Variants in DMTN observed in about 807,000 individuals in gnomAD.
DMTN encodes the protein dematin.
Under a neutral mutation model 59.4 loss-of-function variants are expected in DMTN, and 27 were observed. That is an observed-to-expected ratio of 0.45 (90% CI 0.33 to 0.63). The LOEUF is 0.63. DMTN is among the 20% of genes least tolerant of loss of function. The probability of loss-of-function intolerance (pLI) is 0.02; values close to 1 mark genes in which losing one functional copy is unlikely to be tolerated. For synonymous variants in DMTN, 221 were observed against 203.7 expected (o/e 1.08, Z -0.72); for missense variants, 451 against 528.9 (o/e 0.85, Z 1.45).
At position 22,067,128 on chromosome 8, in the gene DMTN, C is replaced by T; in HGVS notation, c.62C>T (p.Ser21Phe). ...SPGSVSPSRD[S>F]SVPGSPSSIV... ...GGGAGCGTGAGCCCCTCCCGAGATT[C>T]CAGTGTGCCTGGCTCTCCCTCCAGC... The change falls in exon 3 of 16, where the codon TCC (serine) becomes TTC (phenylalanine). Residue 21 changes from serine (S) to phenylalanine (F), a missense_variant. Ser to Phe is a radical substitution (Grantham distance 155). Coordinates refer to ENST00000358242, the MANE Select transcript of DMTN (RefSeq NM_001387751.1). The T allele has an allele frequency of 6.3e-7, 1 of 1,595,228 alleles. No individual in the cohort carries two copies. The highest frequency in any genetic ancestry group is 8.5e-7 in the Non-Finnish European group (1 of 1,169,746).
intron 9 of DMTN, among the ~76,000 whole-genome samples, chr8:22,072,895 A>G (rs1310689150): frequency 6.6e-6 from 1 of 151,960 alleles, no homozygotes; most frequent in Non-Finnish European, 1.5e-5. Context: ...AGACCCCAGG[A>G]TTTTGCTTTT....
intron 6 of DMTN, 87 bp downstream of exon 6, chr8:22,069,605 T>TG: frequency 8.4e-7 from 1 of 1,189,142 alleles, no homozygotes. Context: ...CCCCACTCTC[T>TG]GGGGTATATG....
chr8:22,054,250 C>G (rs1263306150), upstream of DMTN, among the ~76,000 whole-genome samples: 1 of 152,180 alleles, frequency 6.6e-6, no homozygotes, highest in Non-Finnish European at 1.5e-5. Context: ...GCTGAGCACT[C>G]TTCCTGCCCA....
intron 1 of DMTN, among the ~76,000 whole-genome samples, chr8:22,061,376 G>A (rs1806319767): frequency 6.6e-6 from 1 of 152,264 alleles, no homozygotes; most frequent in Middle Eastern, 3.4e-3. Flanking sequence ...ATAAATGGCA[G>A]CTGTTCATAT....
rs748499265 is a variant in DMTN at position 22,069,889 on chromosome 8, C to T, written c.403C>T (p.Arg135Cys). 100 of 1,614,008 alleles carry T rather than the reference C, an allele frequency of 6.2e-5. No individual in the cohort carries two copies. The highest frequency in any genetic ancestry group is 4.2e-4 in the Admixed American group (25 of 59,988). The change falls in exon 7 of 16, where the codon CGC becomes TGC. Residue 135 changes from arginine to cysteine, a missense_variant. Transcript: ENST00000358242. ...LPHFHHPETS[R>C]PDSNIYKKPP... is the part of the protein sequence containing the mutation. ...TGTTCTTCCTCCCACAGAGACCTCC[C>T]GCCCAGATTCCAACATCTACAAGAA...
At chr8:22,070,042 A>C (rs1285020710) in intron 7 of DMTN, 105 bp downstream of exon 7, 9 of 1,562,508 alleles carry the variant, frequency 5.8e-6, no homozygotes, top group Middle Eastern at 1.7e-4. Flanking sequence ...ATAGCATGTC[A>C]CAGCAGCACG....
At chr8:22,055,118 C>G (rs1585585241), upstream of DMTN, 2 of 152,804 alleles carry the variant, frequency 1.3e-5, no homozygotes, top group East Asian at 3.9e-4. Context: ...CTCCCAGGCC[C>G]AGCGATTCTA....
Position 22,070,271 on chromosome 8 carries a change from C to G in DMTN, c.541C>G (p.Pro181Ala). The G allele has an allele frequency of 6.2e-7, 1 of 1,613,650 alleles. No individual in the cohort carries two copies. Among genetic ancestry groups the G allele is most frequent in the South Asian group, 1.1e-5 (1 of 91,018 alleles). The change falls in exon 8 of 16, where the codon CCC becomes GCC. Residue 181 changes from proline (P) to alanine (A), a missense_variant. Physicochemically the swap from Pro to Ala is conservative, Grantham distance 27. Transcript: ENST00000358242. ...SKFPAAQPPDPNQPAKIETDY... is the reference protein window; with the variant it reads ...SKFPAAQPPDANQPAKIETDY... ...GTTTCCTGCAGCCCAGCCCCCAGAC[C>G]CCAACCAGCCAGCCAAAATCGAAAC...
chr8:22,074,098 G>GA (rs1450072557), intron 10 of DMTN, among the ~76,000 whole-genome samples: 7 of 152,338 alleles, frequency 4.6e-5, no homozygotes, highest in South Asian at 2.1e-4. Context: ...TATAAGCAGG[G>GA]AAAAAATCTA....
At chr8:22,053,464 G>A (rs1801574148), upstream of DMTN, 1 of 152,450 alleles carries the variant, frequency 6.6e-6, no homozygotes, top group South Asian at 2.1e-4. Context: ...CAGGTGCCCT[G>A]GCTCCACCTC....
chr8:22,052,181 G>A (rs1169258747), upstream of DMTN, among the ~76,000 whole-genome samples: 1 of 152,218 alleles, frequency 6.6e-6, no homozygotes. Context: ...ACTTGCCCTT[G>A]CCTTGTGGTA....
At position 22,067,153 on chromosome 8, in the gene DMTN, C is replaced by T. The variant is rs1202390534; in HGVS notation, c.87C>T (p.Ser29=). The change falls in exon 3 of 16, where the codon AGC becomes AGT. Residue 29 remains serine (S), a synonymous_variant. Coordinates refer to ENST00000358242, the MANE Select transcript of DMTN (RefSeq NM_001387751.1). The part of the protein sequence containing the change: ...RDSSVPGSPS[S]IVAKMDNQVL... ...CCAGTGTGCCTGGCTCTCCCTCCAG[C>T]ATCGTGGTGAGTACCCCTCTCGGCC... 1 of 1,609,954 alleles carries T rather than the reference C, an allele frequency of 6.2e-7. No homozygotes were observed. The highest frequency in any genetic ancestry group is 8.5e-7 in the Non-Finnish European group (1 of 1,178,430).
chr8:22,070,297 C>T lies in DMTN; in HGVS notation c.567C>T (p.Thr189=), dbSNP rs766272009. ...PDPNQPAKIE[T]DYWPCPPSLA... ...CCAACCAGCCAGCCAAAATCGAAAC[C>T]GACTACTGGCCATGCCCCCCGTCTC... The change falls in exon 8 of 16, where the codon ACC becomes ACT. Residue 189 remains threonine, a synonymous_variant. Transcript: ENST00000358242. The T allele has an allele frequency of 2.4e-5, 39 of 1,613,240 alleles. No homozygotes were observed. Among genetic ancestry groups the T allele is most frequent in the South Asian group, 8.8e-5 (8 of 90,954 alleles).
intron 1 of DMTN, among the ~76,000 whole-genome samples, chr8:22,065,279 T>C (rs1261692734): frequency 6.6e-6 from 1 of 152,100 alleles, no homozygotes; most frequent in African/African-American, 2.4e-5. Flanking sequence ...AGCCATCCTC[T>C]CTCCTTGGCC....
At chr8:22,070,094 A>G (rs1814124607) in intron 7 of DMTN, 88 bp from the exon 8 acceptor site, 2 of 1,536,492 alleles carry the variant, frequency 1.3e-6, no homozygotes, top group South Asian at 1.2e-5. Flanking sequence ...TACCTGCAGG[A>G]CCTCACAGGT....
chr8:22,073,847 G>A lies in DMTN; in HGVS notation c.835+12G>A, dbSNP rs758146827. On this transcript the variant is annotated intron_variant, in intron 10 of 15. Transcript: ENST00000358242. ...ACCCTTCCATACCTGTGAGTGCTGT[G>A]GAGGGGGCTCAGAGTCACCTGGCCA... 2 of 1,611,898 alleles carry A rather than the reference G, an allele frequency of 1.2e-6. No homozygotes were observed. Among genetic ancestry groups the A allele is most frequent in the Non-Finnish European group, 1.7e-6 (2 of 1,178,330 alleles).
chr8:22,055,845 G>T (rs1802315774), upstream of DMTN, among the ~76,000 whole-genome samples: 1 of 151,844 alleles, frequency 6.6e-6, no homozygotes, highest in African/African-American at 2.4e-5. Context: ...TCTCCATTCA[G>T]ACACCCCAGA....
chr8:22,080,526 G>GTC, intron 12 of DMTN, 66 bp downstream of exon 12: 1 of 1,614,026 alleles, frequency 6.2e-7, no homozygotes, highest in South Asian at 1.1e-5. Context: ...GGCAGCCGGG[G>GTC]TCTGGGCTGT....
At chr8:22,067,423 A>G in intron 3 of DMTN, 104 bp from the exon 4 acceptor site, 3 of 1,498,756 alleles carry the variant, frequency 2.0e-6, no homozygotes, top group Non-Finnish European at 2.7e-6. Flanking sequence ...AACGTCTGCA[A>G]TGGCGGTCCA....
Sources: allele counts gnomAD v4.1 joint callset (sites outside exome capture counted in the v4.1 genomes callset), GRCh38; gene constraint gnomAD v4.1.1; transcripts MANE v1.5; gene names NCBI Gene and HGNC (gene_info 2026-07-23, HGNC 2026-07-21).